ZBTB46: variants seen among roughly 807,000 people sequenced by gnomAD.
The protein encoded by ZBTB46 is zinc finger and BTB domain-containing protein 46.
ZBTB46 carries 8 observed loss-of-function variants against 44.1 expected under a neutral mutation model. The observed-to-expected ratio is 0.18, with a 90% CI of 0.11 to 0.33. ZBTB46 has a LOEUF of 0.33. ZBTB46 is among the 10% of genes least tolerant of loss of function. The pLI is 1.00. For missense variants in ZBTB46, 651 were observed against 847.7 expected, an observed-to-expected ratio of 0.77 and a Z score of 2.88; for synonymous variants, 409 against 382.3, an observed-to-expected ratio of 1.07 and a Z score of -0.81.
Position 63,752,321 on chromosome 20 carries a change from G to A in ZBTB46, c.1398+365C>T, listed in dbSNP as rs1268004293. Among the ~76,000 whole-genome samples the A allele has an allele frequency of 6.6e-6, 1 of 151,820 alleles. No homozygotes were observed. Among genetic ancestry groups the A allele is most frequent in the Non-Finnish European group, 1.5e-5 (1 of 67,970 alleles). On this transcript the variant is annotated intron_variant, in intron 4 of 4. Transcript: ENST00000245663. The surrounding 1 kb of genome is among the most constrained non-coding windows in gnomAD (Gnocchi z 5.6). ...GGGCGCGGTGGGTGCAGACAGGTCG[G>A]CAGGCACAAGGACAGGGTTCTCCCT...
At chr20:63,779,281 C>G (rs867762413) in intron 2 of ZBTB46, among the ~76,000 whole-genome samples, 2 of 152,138 alleles carry the variant, frequency 1.3e-5, no homozygotes, top group Middle Eastern at 3.4e-3. Flanking sequence ...GCTCTTGTTG[C>G]CCAGGCTGGA....
chr20:63,790,946 T>G, intron 1 of ZBTB46, 156 bp from the exon 2 acceptor site: 1 of 1,084,070 alleles, frequency 9.2e-7, no homozygotes, highest in Non-Finnish European at 1.3e-6. Context: ...GCGGGAGGCC[T>G]GTGTCTCCGC....
intron 3 of ZBTB46, among the ~76,000 whole-genome samples, chr20:63,759,970 G>C (rs2092259426): frequency 6.6e-6 from 1 of 152,148 alleles, no homozygotes; most frequent in Admixed American, 6.5e-5. Context: ...ACTTAACCTT[G>C]AGTTCTTGGA....
In ZBTB46 at chr20:63,803,566, C is replaced by CCCCGGGCTGCCCAGGT; in HGVS notation, c.-33-12792_-33-12777dup. On this transcript the variant is annotated intron_variant, in intron 1 of 4. Coordinates refer to ENST00000245663, the MANE Select transcript of ZBTB46 (RefSeq NM_001369741.1). The surrounding 1 kb of genome is among the most constrained non-coding windows in gnomAD (Gnocchi z 4.0). Reference sequence around the variant, plus strand: ...GTCTGCCGGCCCCGGGCTGCCCAGGCCCCGGGCTGCCCAGGTCTCTGTCGG... The same window carrying CCCCGGGCTGCCCAGGT: ...GTCTGCCGGCCCCGGGCTGCCCAGGCCCCGGGCTGCCCAGGTCCCGGGCTGCCCAGGTCTCTGTCGG... 1.0e-6 allele frequency: 1 copy of CCCCGGGCTGCCCAGGT among 967,406 alleles called. No individual in the cohort carries two copies. Among genetic ancestry groups the CCCCGGGCTGCCCAGGT allele is most frequent in the Non-Finnish European group, 1.2e-6 (1 of 818,940 alleles). The allele number at this position is 967,406 out of a possible 1,614,324, so 59.9% of individuals were successfully genotyped here. A position where few individuals can be genotyped will look rare whatever the true frequency, so the allele number is the denominator to read the frequency against.
intron 2 of ZBTB46, among the ~76,000 whole-genome samples, 178 bp from the exon 3 acceptor site, chr20:63,776,140 G>C (rs1193453306): frequency 6.6e-6 from 1 of 152,254 alleles, no homozygotes; most frequent in East Asian, 1.9e-4. Flanking sequence ...CCTCGGCCCA[G>C]CCCGGCCTTT....
chr20:63,816,932 C>T (rs935893859), intron 1 of ZBTB46, among the ~76,000 whole-genome samples: 1 of 151,962 alleles, frequency 6.6e-6, no homozygotes, highest in Admixed American at 6.6e-5. Flanking sequence ...TGGAGAAACC[C>T]CATCTCTACT....
At chr20:63,798,561 G>C (rs2092620247) in intron 1 of ZBTB46, among the ~76,000 whole-genome samples, 1 of 150,938 alleles carries the variant, frequency 6.6e-6, no homozygotes, top group African/African-American at 2.4e-5. Context: ...TGTAATCCCA[G>C]CTACTCAGGA....
At chr20:63,832,668 C>T (rs1255117290), upstream of ZBTB46, among the ~76,000 whole-genome samples, 3 of 152,116 alleles carry the variant, frequency 2.0e-5, no homozygotes, top group Admixed American at 6.5e-5. The surrounding 1 kb of genome is among the most constrained non-coding windows in gnomAD (Gnocchi z 5.0). Context: ...CATCCCCTCG[C>T]CAAGGTCGCC....
intron 3 of ZBTB46, among the ~76,000 whole-genome samples, chr20:63,765,131 G>C (rs933056820): frequency 1.3e-5 from 2 of 152,012 alleles, no homozygotes; most frequent in Non-Finnish European, 2.9e-5. Context: ...GTGTGTGTGT[G>C]TGTGGGGCTT....
At chr20:63,773,996 G>A (rs533619128) in intron 3 of ZBTB46, among the ~76,000 whole-genome samples, 5 of 139,778 alleles carry the variant, frequency 3.6e-5, no homozygotes, top group African/African-American at 1.3e-4. Flanking sequence ...CACCGTGTTT[G>A]ATATTTTAGA....
Position 63,787,949 on chromosome 20 carries a change from TG to T in ZBTB46, c.937+1871del, listed in dbSNP as rs1368782252. 1 of 152,244 alleles carries T rather than the reference TG, an allele frequency of 6.6e-6. No individual in the cohort carries two copies. Among genetic ancestry groups the T allele is most frequent in the Admixed American group, 6.6e-5 (1 of 15,266 alleles). 9.4% of individuals were successfully genotyped at this position (152,244 alleles called of 1,614,324 possible). ...CAGGGGGGCAGGCAGCGTCTCCCAC[TG>T]CGCCACCCACACACGGCATCTGCGA... On this transcript the variant is annotated intron_variant, in intron 2 of 4. Coordinates refer to ENST00000245663, the MANE Select transcript of ZBTB46 (RefSeq NM_001369741.1). This position sits in a 1 kb window ranked among gnomAD's most constrained non-coding sequence, Gnocchi z 4.6.
upstream of ZBTB46, among the ~76,000 whole-genome samples, chr20:63,833,157 G>C (rs765150685): frequency 9.8e-5 from 15 of 152,356 alleles, no homozygotes; most frequent in South Asian, 1.9e-3. Flanking sequence ...TGCAGGGATG[G>C]AGAGCAGCAG....
intron 1 of ZBTB46, among the ~76,000 whole-genome samples, chr20:63,796,463 G>A (rs1186440655): frequency 6.6e-6 from 1 of 152,236 alleles, no homozygotes; most frequent in Non-Finnish European, 1.5e-5. Flanking sequence ...ATTCACACTT[G>A]ATCTCTCTGT....
In ZBTB46 at chr20:63,767,917, C is replaced by A; in HGVS notation, c.1222+7761G>T. On this transcript the variant is annotated intron_variant, in intron 3 of 4. Transcript: ENST00000245663. The surrounding 1 kb of genome is among the most constrained non-coding windows in gnomAD (Gnocchi z 5.0). Reference sequence around the variant, plus strand: ...GGCCCTGCAGAAACCCACCCTCATGCCAGCGGGAGCCAACTCTGGAAGAGG... The same window carrying A: ...GGCCCTGCAGAAACCCACCCTCATGACAGCGGGAGCCAACTCTGGAAGAGG... 1.0e-6 allele frequency: 1 copy of A among 985,480 alleles called. No individual in the cohort carries two copies. Among genetic ancestry groups the A allele is most frequent in the Non-Finnish European group, 1.2e-6 (1 of 829,938 alleles). 61.0% of individuals were successfully genotyped at this position (985,480 alleles called of 1,614,324 possible).
At chr20:63,814,414 TA>T (rs1157464157) in intron 1 of ZBTB46, among the ~76,000 whole-genome samples, 1 of 152,164 alleles carries the variant, frequency 6.6e-6, no homozygotes, top group Non-Finnish European at 1.5e-5. Flanking sequence ...AAAATATAAT[TA>T]GGTTTTAAAA....
At chr20:63,758,042 C>T (rs79054609) in intron 3 of ZBTB46, among the ~76,000 whole-genome samples, 12 of 117,702 alleles carry the variant, frequency 1.0e-4, no homozygotes, top group East Asian at 2.3e-4. Context: ...TCCCTCCACC[C>T]GCCCATCCAG....
In ZBTB46 at chr20:63,746,761, G is replaced by A. The variant is rs983552301; in HGVS notation, c.*169C>T. The A allele has an allele frequency of 1.4e-5, 15 of 1,091,648 alleles. No homozygotes were observed. Among genetic ancestry groups the A allele is most frequent in the South Asian group, 8.0e-5 (4 of 50,108 alleles). The allele number at this position is 1,091,648 out of a possible 1,614,324, so 67.6% of individuals were successfully genotyped here. On this transcript the variant is annotated 3_prime_UTR_variant, in exon 5 of 5. Transcript: ENST00000245663. ...CCAGAGCACCCCTCTTGCTGGGGTC[G>A]CACCTGCTTAGCCCGCAGGGCTGGT...
chr20:63,833,782 A>AG (rs780550463), upstream of ZBTB46, among the ~76,000 whole-genome samples: 19 of 152,232 alleles, frequency 1.2e-4, no homozygotes, highest in Non-Finnish European at 2.6e-4. Flanking sequence ...AGACGAAGAC[A>AG]GTATGTCAAA....
chr20:63,774,689 GTTTT>G (rs1292458776), intron 3 of ZBTB46, among the ~76,000 whole-genome samples: 46 of 44,156 alleles, frequency 1.0e-3, no homozygotes, highest in African/African-American at 3.6e-3. Context: ...GCTGCGGTGG[GTTTT>G]TTTTGTTTTT....
Sources: gnomAD v4.1 joint callset for allele counts (sites outside exome capture counted in the v4.1 genomes callset) on GRCh38, gnomAD v4.1.1 for gene constraint, Gnocchi (gnomAD v3.1) non-coding constraint, MANE v1.5 for transcripts, NCBI Gene and HGNC (gene_info 2026-07-23, HGNC 2026-07-21) for gene names.